ADCY5: variants seen among roughly 807,000 people sequenced by gnomAD.
ADCY5 encodes the protein adenylate cyclase type 5.
ADCY5 carries 30 observed loss-of-function variants against 119.7 expected under a neutral mutation model. The observed-to-expected ratio is 0.25, with a 90% CI of 0.19 to 0.34. The LOEUF (loss-of-function observed/expected upper bound fraction) is 0.34. ADCY5 is among the 10% of genes least tolerant of loss of function. The pLI is 1.00. For missense variants in ADCY5, 1,324 were observed against 1,775.2 expected (o/e 0.75, Z 4.57); for synonymous variants, 753 against 762.2 (o/e 0.99, Z 0.20).
At chr3:123,406,535 CT>C (rs1465111861) in intron 1 of ADCY5, among the ~76,000 whole-genome samples, 6 of 152,228 alleles carry the variant, frequency 3.9e-5, no homozygotes, top group Admixed American at 3.9e-4. Flanking sequence ...TCTGGTGCCC[CT>C]GATCAGCAAA....
chr3:123,298,140 C>T lies in ADCY5; in HGVS notation c.2901-758G>A, dbSNP rs370721526. Among the ~76,000 whole-genome samples, 35 of 152,270 alleles carry T rather than the reference C, an allele frequency of 2.3e-4. No individual in the cohort carries two copies. The East Asian group carries it at 2.5e-3, about 11-fold the overall frequency. On this transcript the variant is annotated intron_variant, in intron 15 of 20. Coordinates refer to ENST00000462833, the MANE Select transcript of ADCY5 (RefSeq NM_183357.3). The stretch of plus-strand genomic sequence containing the variant: ...TCAGCCTCCCAAGTAGCTGGGATTA[C>T]AGGTGCATGCCACCACACCTGGCTA...
chr3:123,322,642 C>G (rs1180370441), intron 8 of ADCY5, among the ~76,000 whole-genome samples: 1 of 152,226 alleles, frequency 6.6e-6, no homozygotes, highest in African/African-American at 2.4e-5. Flanking sequence ...CCTACACTCC[C>G]TCCTGCAGCA....
At chr3:123,381,002 A>C (rs1944013704) in intron 1 of ADCY5, among the ~76,000 whole-genome samples, 3 of 152,186 alleles carry the variant, frequency 2.0e-5, no homozygotes, top group Non-Finnish European at 4.4e-5. Flanking sequence ...CAAGTTACTT[A>C]ACCTGTCTGA....
chr3:123,412,398 G>A (rs548419520), intron 1 of ADCY5, among the ~76,000 whole-genome samples: 6 of 152,276 alleles, frequency 3.9e-5, no homozygotes, highest in Admixed American at 2.6e-4. Flanking sequence ...CTGAATAGAT[G>A]CCAGACAACG....
intron 2 of ADCY5, among the ~76,000 whole-genome samples, chr3:123,350,201 T>A (rs1452858388): frequency 6.6e-6 from 1 of 152,212 alleles, no homozygotes; most frequent in Non-Finnish European, 1.5e-5. Flanking sequence ...GCTGCTGGCA[T>A]CCCCTCCCCC....
At chr3:123,418,402 G>C (rs1255311746) in intron 1 of ADCY5, among the ~76,000 whole-genome samples, 1 of 152,192 alleles carries the variant, frequency 6.6e-6, no homozygotes, top group Non-Finnish European at 1.5e-5. Context: ...AAAGAAAAGA[G>C]GTATATTTAG....
Position 123,318,035 on chromosome 3 carries a change from A to G in ADCY5, c.2339T>C (p.Ile780Thr). Residue 780 changes from isoleucine (I) to threonine (T), a missense_variant, in exon 11 of 21, where the codon ATC becomes ACC. By Grantham distance (89) the Ile-to-Thr change is moderately conservative (BLOSUM62 -1). Around this residue, in one of 6 missense-constraint regions of ADCY5, gnomAD observed 424 missense variants for 546.8 expected, o/e 0.78. Transcript: ENST00000462833. ...LVFLFICFVQ[I>T]TIVPHSIFML... ...GGATACTCACTGGGGCACGATGGTG[A>G]TCTGGACAAAGCAGATGAAGAGGAA... The G allele has an allele frequency of 2.5e-6, 4 of 1,613,778 alleles. No individual in the cohort carries two copies. The highest frequency in any genetic ancestry group is 3.4e-6 in the Non-Finnish European group (4 of 1,179,898).
At chr3:123,299,005 C>T (rs569339799) in intron 15 of ADCY5, among the ~76,000 whole-genome samples, 11 of 152,180 alleles carry the variant, frequency 7.2e-5, no homozygotes, top group Admixed American at 2.0e-4. Context: ...TTGTGATTTA[C>T]GGCAATATCC....
intron 17 of ADCY5, among the ~76,000 whole-genome samples, chr3:123,294,839 G>T (rs1056965792): frequency 6.6e-6 from 1 of 152,196 alleles, no homozygotes; most frequent in Non-Finnish European, 1.5e-5. Flanking sequence ...TAGGGGTGAT[G>T]GGGCATCATG....
At position 123,356,275 on chromosome 3, in the gene ADCY5, T is replaced by A. The variant is rs578061580; in HGVS notation, c.1135-3694A>T. Reference sequence around the variant, plus strand: ...TTATATATCACACCAAACATATAAATAACAAAAGAAAAAAATAAATTGAAC... The same window carrying A: ...TTATATATCACACCAAACATATAAAAAACAAAAGAAAAAAATAAATTGAAC... On this transcript the variant is annotated intron_variant, in intron 1 of 20. Transcript: ENST00000462833. Among the ~76,000 whole-genome samples, 12 of 152,142 alleles carry A rather than the reference T, an allele frequency of 7.9e-5. No homozygotes were observed. The East Asian group carries it at 2.3e-3, about 29-fold the overall frequency.
At chr3:123,396,812 AGGCAGGC>A (rs1438134974) in intron 1 of ADCY5, among the ~76,000 whole-genome samples, 1,150 of 55,992 alleles carry the variant, frequency 0.021, 65 homozygotes, top group Non-Finnish European at 0.029. Flanking sequence ...GCAGGCAGGC[AGGCAGGC>A]GAGAGAGAGA....
At chr3:123,416,596 C>A (rs573469328) in intron 1 of ADCY5, among the ~76,000 whole-genome samples, 1 of 152,188 alleles carries the variant, frequency 6.6e-6, no homozygotes, top group Non-Finnish European at 1.5e-5. Context: ...AATACCAACC[C>A]GTGGCTCTTA....
At chr3:123,302,965 T>A (rs1291976244) in intron 14 of ADCY5, 90 bp downstream of exon 14, 2 of 1,475,520 alleles carry the variant, frequency 1.4e-6, no homozygotes, top group Admixed American at 1.8e-5. Flanking sequence ...TGAGACCCTG[T>A]CCTTCAGACT....
At chr3:123,441,368 G>T (rs1945718325) in intron 1 of ADCY5, among the ~76,000 whole-genome samples, 1 of 152,154 alleles carries the variant, frequency 6.6e-6, no homozygotes, top group South Asian at 2.1e-4. Context: ...TCACCAAGCA[G>T]TCAATTTCCT....
intron 1 of ADCY5, among the ~76,000 whole-genome samples, chr3:123,386,617 C>T (rs188352959): frequency 4.5e-4 from 68 of 152,144 alleles, no homozygotes; most frequent in African/African-American, 1.5e-3. Context: ...CACCATACCC[C>T]GACCCTCCCT....
intron 1 of ADCY5, among the ~76,000 whole-genome samples, chr3:123,413,404 C>T (rs1426240440): frequency 6.6e-6 from 1 of 152,172 alleles, no homozygotes; most frequent in Non-Finnish European, 1.5e-5. Flanking sequence ...GCCTCTGATC[C>T]CAGCCTGAGC....
intron 1 of ADCY5, among the ~76,000 whole-genome samples, chr3:123,396,558 G>GAAAGAAAGAAAGAA (rs1453795516): frequency 9.1e-5 from 11 of 120,868 alleles, no homozygotes; most frequent in African/African-American, 3.6e-4. Context: ...GAAAGAAAAA[G>GAAAGAAAGAAAGAA]AGAAAGAAAG....
At chr3:123,297,132 G>T in intron 16 of ADCY5, 2 of 1,420,486 alleles carry the variant, frequency 1.4e-6, no homozygotes, top group South Asian at 1.2e-5. Context: ...CAACCACAGA[G>T]ACTACAGATC....
At chr3:123,306,001 G>A (rs1940176609) in intron 12 of ADCY5, among the ~76,000 whole-genome samples, 1 of 152,172 alleles carries the variant, frequency 6.6e-6, no homozygotes, top group African/African-American at 2.4e-5. Context: ...CATCTCCCCA[G>A]CAGGAGAGCC....
Sources: allele counts gnomAD v4.1 joint callset (sites outside exome capture counted in the v4.1 genomes callset), GRCh38; gene constraint gnomAD v4.1.1; regional missense constraint gnomAD v4.1.1; transcripts MANE v1.5; gene names NCBI Gene and HGNC (gene_info 2026-07-23, HGNC 2026-07-21).